The following UIMC1 variants were observed in gnomAD, a reference collection of about 807,000 sequenced individuals.
The protein encoded by UIMC1 is BRCA1-A complex subunit RAP80.
Under a neutral mutation model 84.9 loss-of-function variants are expected in UIMC1, and 42 were observed. The ratio of observed to expected loss-of-function variants is 0.49; its 90% CI spans 0.39 to 0.64. The LOEUF is 0.64. Among genes scored for constraint, UIMC1 ranks in the 30% least tolerant of loss-of-function variants. The pLI, the probability that UIMC1 is intolerant of heterozygous loss-of-function variation, is 0.00. For synonymous variants in UIMC1, 281 were observed against 293.0 expected, an observed-to-expected ratio of 0.96 and a Z score of 0.42; for missense variants, 825 against 847.6, an observed-to-expected ratio of 0.97 and a Z score of 0.33.
intron 1 of UIMC1, among the ~76,000 whole-genome samples, chr5:176,992,742 G>A (rs1773069006): frequency 6.6e-6 from 1 of 152,056 alleles, no homozygotes; most frequent in African/African-American, 2.4e-5. Context: ...GGAGGTCAAA[G>A]CTGCAATGAG....
chr5:176,937,248 G>C (rs779871046), intron 10 of UIMC1, among the ~76,000 whole-genome samples: 66 of 152,172 alleles, frequency 4.3e-4, no homozygotes, highest in Non-Finnish European at 8.4e-4. Flanking sequence ...TGTAATCTCA[G>C]CACTTAGGGA....
At chr5:176,971,768 G>C (rs1380461591) in intron 3 of UIMC1, among the ~76,000 whole-genome samples, 1 of 152,032 alleles carries the variant, frequency 6.6e-6, no homozygotes, top group Non-Finnish European at 1.5e-5. Context: ...AATTAGCCAG[G>C]CATGGTGGTG....
At chr5:176,914,032 T>TAC (rs1452357271) in intron 10 of UIMC1, among the ~76,000 whole-genome samples, 8 of 137,654 alleles carry the variant, frequency 5.8e-5, no homozygotes, top group South Asian at 2.4e-4. Context: ...CACCATACCA[T>TAC]ACCATACACC....
chr5:176,995,034 AG>A (rs1363404536), intron 1 of UIMC1, among the ~76,000 whole-genome samples: 2 of 152,128 alleles, frequency 1.3e-5, no homozygotes, highest in Non-Finnish European at 1.5e-5. Context: ...AGTGTTATCA[AG>A]GCTCTGCCAG....
chr5:177,000,267 T>C (rs945207134), intron 1 of UIMC1, among the ~76,000 whole-genome samples: 1 of 151,932 alleles, frequency 6.6e-6, no homozygotes. Flanking sequence ...TTTTAGTTTT[T>C]TGAGGAAACG....
In UIMC1 at chr5:176,955,961, G is replaced by A. The variant is rs774857484; in HGVS notation, c.1337C>T (p.Pro446Leu). The change falls in exon 8 of 15, where the codon CCT becomes CTT. Residue 446 changes from proline to leucine, a missense_variant and splice_region_variant. Transcript: ENST00000511320. ...TAAAATCACAGTGGGGTACTTACCAGGACAAACAGTGATTTCTTCTGCAGA... is the reference window on the plus strand; with the variant it reads ...TAAAATCACAGTGGGGTACTTACCAAGACAAACAGTGATTTCTTCTGCAGA... Reference protein sequence around the residue: ...ESSAEEITVCPETQLSSSETF... With the variant: ...ESSAEEITVCLETQLSSSETF... The A allele has an allele frequency of 1.9e-6, 3 of 1,613,516 alleles. No individual in the cohort carries two copies. Among genetic ancestry groups the A allele is most frequent in the South Asian group, 1.1e-5 (1 of 91,024 alleles).
chr5:176,963,589 T>C (rs1172469191), intron 6 of UIMC1, among the ~76,000 whole-genome samples: 1 of 152,008 alleles, frequency 6.6e-6, no homozygotes, highest in African/African-American at 2.4e-5. Flanking sequence ...TGTCCTCTAT[T>C]GTGTGACACT....
chr5:176,934,263 T>C (rs1464221064), intron 10 of UIMC1, among the ~76,000 whole-genome samples: 4 of 152,162 alleles, frequency 2.6e-5, no homozygotes, highest in African/African-American at 4.8e-5. Context: ...AAAAGACATA[T>C]AAACACTTTA....
Position 176,911,159 on chromosome 5 carries a change from AGAAAAGAAAAGAAAAG to A in UIMC1, c.1676+136_1676+151del, listed in dbSNP as rs1760142834. On this transcript the variant is annotated intron_variant, in intron 11 of 14. Coordinates refer to ENST00000511320, the MANE Select transcript of UIMC1 (RefSeq NM_001199298.2). ...AGAAAAGAAAAGAAAAGAAAAGAAA[AGAAAAGAAAAGAAAAG>A]AAAATTCAGGCATCCAAGCAATGAA... is the stretch of plus-strand genomic sequence containing the variant. 7.4e-6 allele frequency: 2 copies of A among 271,458 alleles called. 1 individual carries two copies. The highest frequency in any genetic ancestry group is 1.2e-4 in the Admixed American group (2 of 16,176). The allele number at this position is 271,458 out of a possible 1,614,324, so 16.8% of individuals were successfully genotyped here.
chr5:177,022,378 G>T, intron 1 of UIMC1: 1 of 226,648 alleles, frequency 4.4e-6, no homozygotes, highest in Non-Finnish European at 8.6e-6. Flanking sequence ...TAGGTTCTGG[G>T]CCTCAGTTTC....
intron 1 of UIMC1, among the ~76,000 whole-genome samples, chr5:177,017,409 T>C (rs1775695568): frequency 6.6e-6 from 1 of 152,124 alleles, no homozygotes; most frequent in Non-Finnish European, 1.5e-5. Flanking sequence ...TTTTTTGAGA[T>C]GGAGTCTTGC....
At chr5:176,917,256 TC>T (rs1159512128) in intron 10 of UIMC1, among the ~76,000 whole-genome samples, 3 of 152,046 alleles carry the variant, frequency 2.0e-5, no homozygotes, top group African/African-American at 4.8e-5. Context: ...CAGAGACCAG[TC>T]TCAATTAAAG....
At chr5:176,993,323 C>T (rs542702408) in intron 1 of UIMC1, among the ~76,000 whole-genome samples, 7 of 152,162 alleles carry the variant, frequency 4.6e-5, no homozygotes, top group African/African-American at 1.7e-4. Context: ...GTAGCTAGGA[C>T]CACAGGCATG....
At chr5:176,968,189 G>C (rs353503) in intron 6 of UIMC1, among the ~76,000 whole-genome samples, 1 of 151,864 alleles carries the variant, frequency 6.6e-6, no homozygotes, top group African/African-American at 2.4e-5. Flanking sequence ...CTAGCCAACA[G>C]GGTAAAACCC....
chr5:177,010,735 C>T (rs569717323), upstream of UIMC1, among the ~76,000 whole-genome samples: 55 of 152,198 alleles, frequency 3.6e-4, no homozygotes, highest in Non-Finnish European at 6.8e-4. Flanking sequence ...GTTGGCCAAG[C>T]TGGTCTTGAA....
At chr5:176,977,148 G>A (rs1770217263) in intron 2 of UIMC1, among the ~76,000 whole-genome samples, 1 of 151,378 alleles carries the variant, frequency 6.6e-6, no homozygotes. Context: ...ACTTGAACCC[G>A]GGAGGCAGAG....
intron 2 of UIMC1, among the ~76,000 whole-genome samples, chr5:176,981,347 T>C (rs1771020239): frequency 6.6e-6 from 1 of 152,076 alleles, no homozygotes; most frequent in Non-Finnish European, 1.5e-5. Context: ...GATTTCACTG[T>C]GGTAACCAGG....
chr5:176,957,900 T>C (rs1355188885), intron 7 of UIMC1, among the ~76,000 whole-genome samples, 193 bp downstream of exon 7: 1 of 152,234 alleles, frequency 6.6e-6, no homozygotes, highest in East Asian at 1.9e-4. Flanking sequence ...CTTCCAGCTC[T>C]TAATATTCTG....
At chr5:177,002,348 G>A (rs188299668) in intron 1 of UIMC1, among the ~76,000 whole-genome samples, 4 of 152,100 alleles carry the variant, frequency 2.6e-5, no homozygotes, top group African/African-American at 4.8e-5. Flanking sequence ...TCAGAACATC[G>A]GTTACCTCTG....
Sources: allele counts gnomAD v4.1 joint callset (sites outside exome capture counted in the v4.1 genomes callset), GRCh38; gene constraint gnomAD v4.1.1; transcripts MANE v1.5; gene names NCBI Gene and HGNC (gene_info 2026-07-23, HGNC 2026-07-21).